Variants in CEP152 observed in about 807,000 individuals in gnomAD.
CEP152 encodes the protein centrosomal protein of 152 kDa.
In CEP152, 132 loss-of-function variants were observed where a neutral mutation model predicts 188.9. The observed-to-expected ratio is 0.70, with a 90% CI of 0.61 to 0.81. The LOEUF is 0.81. Ranked by LOEUF, CEP152 falls within the 30% of genes least tolerant of loss-of-function variation. CEP152 has a pLI of 0.00. For synonymous variants in CEP152, 649 were observed against 666.6 expected (o/e 0.97, Z 0.41); for missense variants, 1,914 against 1,969.8 (o/e 0.97, Z 0.54).
At chr15:48,752,780 T>C (rs1314344410) in intron 20 of CEP152, among the ~76,000 whole-genome samples, 1 of 152,218 alleles carries the variant, frequency 6.6e-6, no homozygotes. Flanking sequence ...TTTACGTGAT[T>C]AAACCACATG....
intron 18 of CEP152, among the ~76,000 whole-genome samples, chr15:48,760,787 TG>T (rs1297545520): frequency 6.6e-6 from 1 of 152,084 alleles, no homozygotes; most frequent in African/African-American, 2.4e-5. Context: ...AATTAAGACT[TG>T]ATTAATTATG....
intron 22 of CEP152, 58 bp from the exon 23 acceptor site, chr15:48,745,050 C>A: frequency 8.4e-7 from 1 of 1,184,678 alleles, no homozygotes; most frequent in Admixed American, 2.5e-5. Context: ...GCCTTCTTTT[C>A]CCTTAAGTTC....
At chr15:48,734,017 G>A (rs996679940), downstream of CEP152, among the ~76,000 whole-genome samples, 1 of 152,078 alleles carries the variant, frequency 6.6e-6, no homozygotes, top group Non-Finnish European at 1.5e-5. Context: ...GTAGAATATA[G>A]ATGAAAGGAA....
intron 24 of CEP152, 127 bp downstream of exon 24, chr15:48,744,113 A>G: frequency 8.3e-6 from 12 of 1,446,666 alleles, no homozygotes; most frequent in Admixed American, 2.3e-5. Context: ...ATCTCTTTTA[A>G]GATTGAAGAA....
chr15:48,769,109 C>T lies in CEP152; in HGVS notation c.1783-28G>A, dbSNP rs1341212970. The T allele has an allele frequency of 3.2e-6, 5 of 1,572,432 alleles. No individual in the cohort carries two copies. The East Asian group carries it at 9.0e-5, about 28-fold the overall frequency. ...GAATATTAAAAGGTCAAAAGTTTTA[C>T]AAGTTTTAAAAAATTCTAAGTTTCA... is the stretch of plus-strand genomic sequence containing the variant. On this transcript the variant is annotated intron_variant, in intron 13 of 26. Coordinates refer to ENST00000380950, the MANE Select transcript of CEP152 (RefSeq NM_001194998.2).
chr15:48,805,531 G>GTC (rs199801709), intron 2 of CEP152, 32 bp downstream of exon 2: 47,802 of 1,224,034 alleles, frequency 0.039, 49 homozygotes, highest in Middle Eastern at 0.045. Flanking sequence ...TGGGTTTAGT[G>GTC]TCTCTTTTTT....
intron 1 of CEP152, chr15:48,810,365 T>C (rs1216110905): frequency 1.3e-5 from 2 of 152,170 alleles, no homozygotes; most frequent in Non-Finnish European, 2.9e-5. Flanking sequence ...CAGGACACGA[T>C]GAAGGGAAAG....
At chr15:48,789,048 AT>A (rs1253748008) in intron 8 of CEP152, 47 bp from the exon 9 acceptor site, 5 of 1,491,798 alleles carry the variant, frequency 3.4e-6, no homozygotes, top group Non-Finnish European at 4.7e-6. Context: ...TACACAGAGT[AT>A]TTTAGCTCTG....
intron 20 of CEP152, among the ~76,000 whole-genome samples, chr15:48,752,982 A>C (rs907558469): frequency 6.6e-6 from 1 of 152,216 alleles, no homozygotes; most frequent in African/African-American, 2.4e-5. Flanking sequence ...GTAATTTTGT[A>C]AGGAAGGCCA....
intron 8 of CEP152, among the ~76,000 whole-genome samples, chr15:48,790,236 G>A (rs1896912758): frequency 6.6e-6 from 1 of 152,148 alleles, no homozygotes; most frequent in African/African-American, 2.4e-5. Flanking sequence ...TAAGCACTAA[G>A]GACATAATGA....
At chr15:48,752,737 C>T (rs1425730785) in intron 20 of CEP152, among the ~76,000 whole-genome samples, 2 of 152,102 alleles carry the variant, frequency 1.3e-5, no homozygotes, top group African/African-American at 4.8e-5. Flanking sequence ...ATGGTTTGCA[C>T]ATTATATATG....
chr15:48,790,770 G>A (rs1896942940), intron 8 of CEP152, among the ~76,000 whole-genome samples: 1 of 152,158 alleles, frequency 6.6e-6, no homozygotes, highest in African/African-American at 2.4e-5. Flanking sequence ...GTTTCACAAT[G>A]TTGGCCAGGC....
chr15:48,739,294 A>G lies in CEP152; in HGVS notation c.4094-6T>C. 15 of 1,598,850 alleles carry G rather than the reference A, an allele frequency of 9.4e-6. No individual in the cohort carries two copies. Among genetic ancestry groups the G allele is most frequent in the Non-Finnish European group, 1.2e-5 (14 of 1,175,458 alleles). ...CTCTGAAGTTAGGGGCAGTGCTATT[A>G]TGTGCAAGGAAACACGAAATTAAGA... On this transcript the variant is annotated splice_region_variant and splice_polypyrimidine_tract_variant and intron_variant, in intron 26 of 26. Coordinates refer to ENST00000380950, the MANE Select transcript of CEP152 (RefSeq NM_001194998.2).
intron 2 of CEP152, 139 bp downstream of exon 2, chr15:48,805,424 C>T: frequency 8.6e-7 from 1 of 1,164,554 alleles, no homozygotes; most frequent in Non-Finnish European, 1.2e-6. Flanking sequence ...AAATAGCAAG[C>T]AGATTTTAGG....
At chr15:48,748,935 C>T (rs976677551) in intron 21 of CEP152, among the ~76,000 whole-genome samples, 4 of 151,990 alleles carry the variant, frequency 2.6e-5, no homozygotes, top group Non-Finnish European at 2.9e-5. Context: ...CAAGGATCTT[C>T]AAGAAATGGC....
At chr15:48,748,661 T>C (rs1251440571) in intron 21 of CEP152, 51 bp from the exon 22 acceptor site, 1 of 1,144,424 alleles carries the variant, frequency 8.7e-7, no homozygotes, top group Admixed American at 6.8e-5. Context: ...GACCAAGAAC[T>C]ATCATTAAAA....
intron 17 of CEP152, among the ~76,000 whole-genome samples, chr15:48,766,538 G>A (rs552956978): frequency 3.3e-5 from 5 of 152,234 alleles, no homozygotes; most frequent in African/African-American, 9.6e-5. Context: ...GAGGTCATAC[G>A]AAGATGCTGA....
rs1897857515 is a variant in CEP152, at chr15:48,804,473, T to A, written c.87+1090A>T. Reference sequence around the variant, plus strand: ...ACTTTTTTACATGTTAGAAAATGGGTCATATAAAAAATAGCGTCAGGACAA... The same window carrying A: ...ACTTTTTTACATGTTAGAAAATGGGACATATAAAAAATAGCGTCAGGACAA... On this transcript the variant is annotated intron_variant, in intron 2 of 26. Transcript: ENST00000380950. Among the ~76,000 whole-genome samples the A allele has an allele frequency of 1.3e-5, 2 of 152,136 alleles. 1 individual carries two copies. The highest frequency in any genetic ancestry group is 2.9e-5 in the Non-Finnish European group (2 of 68,020).
chr15:48,756,319 G>C lies in CEP152; in HGVS notation c.2929C>G (p.Gln977Glu), dbSNP rs376711190. 1 of 1,574,570 alleles carries C rather than the reference G, an allele frequency of 6.4e-7. No individual in the cohort carries two copies. The highest frequency in any genetic ancestry group is 1.4e-5 in the African/African-American group (1 of 72,920). ...TCATCTAAAAATTGCCGGTAATCTT[G>C]CTCATTTTGTTCTTGGATTCTGTGG... ...EIHRIQEQNE[Q>E]DYRQFLDDHR... Residue 977 changes from glutamine to glutamate, a missense_variant, in exon 20 of 27, where the codon CAA (glutamine) becomes GAA (glutamate). Physicochemically the swap from Gln to Glu is conservative, Grantham distance 29 (BLOSUM62 2). Coordinates refer to ENST00000380950, the MANE Select transcript of CEP152 (RefSeq NM_001194998.2).
Sources: gnomAD v4.1 joint callset for allele counts (sites outside exome capture counted in the v4.1 genomes callset) on GRCh38, gnomAD v4.1.1 for gene constraint, MANE v1.5 for transcripts, NCBI Gene and HGNC (gene_info 2026-07-23, HGNC 2026-07-21) for gene names.